Variants in NRG1 observed in about 807,000 individuals in gnomAD.
The protein encoded by NRG1 is neuregulin 1.
Under a neutral mutation model 63.8 loss-of-function variants are expected in NRG1, and 18 were observed. The ratio of observed to expected loss-of-function variants is 0.28; its 90% confidence interval spans 0.19 to 0.42. The LOEUF is 0.42. Ranked by LOEUF, NRG1 falls within the 10% of genes least tolerant of loss-of-function variation. The pLI is 1.00. For missense variants in NRG1, 762 were observed against 814.7 expected (o/e 0.94, Z 0.79); for synonymous variants, 302 against 301.3 (o/e 1.00, Z -0.02).
chr8:31,887,884 A>G (rs1830843314), intron 1 of NRG1, among the ~76,000 whole-genome samples: 2 of 151,994 alleles, frequency 1.3e-5, no homozygotes, highest in Non-Finnish European at 1.5e-5. Context: ...AAGTTAGAAT[A>G]TGTTTTCCAA....
chr8:31,687,122 G>A (rs922740838), intron 1 of NRG1, among the ~76,000 whole-genome samples: 1 of 151,584 alleles, frequency 6.6e-6, no homozygotes, highest in Non-Finnish European at 1.5e-5. Context: ...GTACCTTGTT[G>A]TTAGAAGAGA....
In NRG1 at chr8:31,701,985, G is replaced by C. The variant is rs557379184; in HGVS notation, c.37+62554G>C. ...TTATGAGCCCCACCTAACCTATTGA[G>C]TTACAATTTTATTAGATGGGCCCAA... On this transcript the variant is annotated intron_variant, in intron 1 of 10. Transcript: ENST00000519301. Among the ~76,000 whole-genome samples, 47 of 152,276 alleles carry C rather than the reference G, an allele frequency of 3.1e-4. 1 individual carries two copies. The South Asian group carries it at 9.7e-3, about 32-fold the overall frequency.
chr8:32,590,850 A>G (rs1048217485), intron 1 of NRG1, among the ~76,000 whole-genome samples: 3 of 152,194 alleles, frequency 2.0e-5, no homozygotes, highest in Non-Finnish European at 4.4e-5. Context: ...GGGCTCAAAT[A>G]TTAGTTTGCA....
At chr8:32,229,428 C>T (rs1846670209) in intron 1 of NRG1, among the ~76,000 whole-genome samples, 2 of 152,010 alleles carry the variant, frequency 1.3e-5, no homozygotes, top group Non-Finnish European at 2.9e-5. Flanking sequence ...ACTAGGGGGC[C>T]GGAGTAGATG....
intron 1 of NRG1, among the ~76,000 whole-genome samples, chr8:31,704,861 C>T (rs912898467): frequency 6.7e-6 from 1 of 149,768 alleles, no homozygotes; most frequent in Non-Finnish European, 1.5e-5. Flanking sequence ...AAATTACTTA[C>T]TATGATTCTC....
intron 1 of NRG1, among the ~76,000 whole-genome samples, chr8:32,018,715 G>GT (rs1815965392): frequency 6.6e-6 from 1 of 152,170 alleles, no homozygotes; most frequent in African/African-American, 2.4e-5. Flanking sequence ...TACAAATAAA[G>GT]TTGATATAAG....
chr8:31,750,304 A>C (rs569781864), intron 1 of NRG1, among the ~76,000 whole-genome samples: 116 of 152,074 alleles, frequency 7.6e-4, no homozygotes, highest in Middle Eastern at 6.8e-3. Flanking sequence ...GTGGAAAGAA[A>C]GAAGCACCGT....
intron 1 of NRG1, among the ~76,000 whole-genome samples, chr8:32,371,156 G>A (rs559804691): frequency 2.6e-5 from 4 of 152,228 alleles, no homozygotes; most frequent in South Asian, 2.1e-4. Context: ...AATTTGCAGC[G>A]AGCCGAGATT....
At chr8:32,611,342 C>T (rs773787969) in intron 3 of NRG1, among the ~76,000 whole-genome samples, 4 of 151,806 alleles carry the variant, frequency 2.6e-5, no homozygotes, top group Admixed American at 6.6e-5. Context: ...TAATAGGCTT[C>T]GCCTTACCCC....
At chr8:32,030,911 C>T (rs1490455162) in intron 1 of NRG1, among the ~76,000 whole-genome samples, 2 of 152,152 alleles carry the variant, frequency 1.3e-5, no homozygotes, top group African/African-American at 4.8e-5. Flanking sequence ...CATAAATAAA[C>T]AGCCAGCATA....
chr8:32,319,952 A>T (rs1297586991), intron 1 of NRG1, among the ~76,000 whole-genome samples: 1 of 152,172 alleles, frequency 6.6e-6, no homozygotes, highest in Non-Finnish European at 1.5e-5. Flanking sequence ...CAGTGACAAA[A>T]TATAGTGCGT....
chr8:32,418,588 A>G, intron 1 of NRG1, among the ~76,000 whole-genome samples: 1 of 152,058 alleles, frequency 6.6e-6, no homozygotes, highest in East Asian at 1.9e-4. Context: ...TGGCGTTCGT[A>G]TCATATTTAT....
chr8:32,665,472 G>T (rs955082092), intron 5 of NRG1, among the ~76,000 whole-genome samples: 5 of 152,118 alleles, frequency 3.3e-5, no homozygotes, highest in Admixed American at 6.6e-5. Context: ...TTCAAAATAT[G>T]AATTCTGATG....
chr8:31,737,193 A>G (rs559569225), intron 1 of NRG1, among the ~76,000 whole-genome samples: 52 of 152,136 alleles, frequency 3.4e-4, no homozygotes, highest in African/African-American at 1.2e-3. Context: ...AATTTGATAC[A>G]CCTTCTCCAG....
intron 1 of NRG1, among the ~76,000 whole-genome samples, chr8:32,415,433 A>C (rs1423662183): frequency 6.6e-6 from 1 of 150,586 alleles, no homozygotes; most frequent in African/African-American, 2.4e-5. Context: ...CAAAAAAAAA[A>C]AATGCGGCAA....
At chr8:32,015,553 C>T (rs1815386349) in intron 1 of NRG1, among the ~76,000 whole-genome samples, 1 of 152,088 alleles carries the variant, frequency 6.6e-6, no homozygotes, top group Non-Finnish European at 1.5e-5. Flanking sequence ...GTGAATTATC[C>T]ATACACTGGT....
intron 5 of NRG1, among the ~76,000 whole-genome samples, chr8:32,723,688 C>CAAAAAAAAAAAAGAAAAAAAAAAAAA (rs1821262766): frequency 3.0e-5 from 1 of 33,806 alleles, no homozygotes; most frequent in Non-Finnish European, 4.7e-5. Context: ...GACTCCATCT[C>CAAAAAAAAAAAAGAAAAAAAAAAAAA]AAAAAAAAAA....
At chr8:31,732,619 A>G (rs2131360671) in intron 1 of NRG1, among the ~76,000 whole-genome samples, 1 of 152,278 alleles carries the variant, frequency 6.6e-6, no homozygotes, top group Middle Eastern at 3.4e-3. Context: ...GGCCAGAGAC[A>G]GTGTCTCCTG....
chr8:32,527,608 TAAC>T (rs72262591), intron 1 of NRG1, among the ~76,000 whole-genome samples: 21,328 of 151,996 alleles, frequency 0.14, 3,598 homozygotes, highest in East Asian at 0.57. Context: ...TATATCAGTA[TAAC>T]AACAAAACTG....
Sources: gnomAD v4.1 joint callset for allele counts (sites outside exome capture counted in the v4.1 genomes callset) on GRCh38, gnomAD v4.1.1 for gene constraint, MANE v1.5 for transcripts, NCBI Gene and HGNC (gene_info 2026-07-23, HGNC 2026-07-21) for gene names.